Variants in ABCA13 observed in about 807,000 individuals in gnomAD.
ABCA13 encodes ATP binding cassette subfamily A member 13, also known as ATP-binding cassette sub-family A member 13.
A neutral mutation model predicts 478.7 loss-of-function variants in ABCA13; 476 were observed. The observed-to-expected ratio is 0.99, with a 90% confidence interval of 0.92 to 1.07. The LOEUF (loss-of-function observed/expected upper bound fraction) is 1.07, where lower values mean the gene tolerates loss of function less well. ABCA13 is among the 50% of genes least tolerant of loss of function. The pLI is 0.00. For missense variants in ABCA13, 6,060 were observed against 5,910.6 expected (o/e 1.03, Z -0.83); for synonymous variants, 2,252 against 2,158.9 (o/e 1.04, Z -1.20).
chr7:48,524,494 G>A (rs1832760399), intron 54 of ABCA13, 54 bp downstream of exon 54: 6 of 1,462,982 alleles, frequency 4.1e-6, no homozygotes, highest in Non-Finnish European at 5.6e-6. Context: ...TACAACTCTA[G>A]TAGCTGATCT....
chr7:48,238,570 G>A (rs892232592), intron 8 of ABCA13, among the ~76,000 whole-genome samples: 4 of 151,544 alleles, frequency 2.6e-5, no homozygotes, highest in Admixed American at 1.3e-4. Context: ...CTGGGTTCAC[G>A]CCATTCTCCT....
intron 42 of ABCA13, among the ~76,000 whole-genome samples, chr7:48,454,215 C>G (rs1825372935): frequency 6.6e-6 from 1 of 152,154 alleles, no homozygotes; most frequent in African/African-American, 2.4e-5. Context: ...CTGCTTTGGA[C>G]GTCGTTTAAG....
At chr7:48,288,122 A>C in intron 20 of ABCA13, 44 bp downstream of exon 20, 1 of 1,550,330 alleles carries the variant, frequency 6.5e-7, no homozygotes, top group Non-Finnish European at 8.9e-7. Flanking sequence ...GTTCATGACT[A>C]TTGGCCCTTG....
intron 1 of ABCA13, among the ~76,000 whole-genome samples, chr7:48,187,019 G>A (rs149717502): frequency 0.26 from 37,591 of 144,706 alleles, 5,473 homozygotes; most frequent in East Asian, 0.48. Context: ...ATGTGTGTGT[G>A]TATATATATA....
intron 33 of ABCA13, among the ~76,000 whole-genome samples, chr7:48,373,148 CTT>C (rs1298526351): frequency 6.6e-6 from 1 of 152,172 alleles, no homozygotes; most frequent in East Asian, 1.9e-4. Context: ...GTGCTCAAGA[CTT>C]TATTCTCTCC....
chr7:48,595,180 G>T (rs973544795), intron 58 of ABCA13, among the ~76,000 whole-genome samples: 2 of 152,158 alleles, frequency 1.3e-5, no homozygotes, highest in African/African-American at 2.4e-5. Flanking sequence ...TATTATTTCA[G>T]CAGGTAGAAT....
chr7:48,621,535 AGT>A (rs1362965616), intron 59 of ABCA13, among the ~76,000 whole-genome samples: 2 of 152,208 alleles, frequency 1.3e-5, no homozygotes, highest in Non-Finnish European at 2.9e-5. Context: ...TTTAGGTTTT[AGT>A]TCACCAGGAG....
chr7:48,599,671 A>C (rs1193994514), intron 58 of ABCA13, among the ~76,000 whole-genome samples: 1 of 152,214 alleles, frequency 6.6e-6, no homozygotes, highest in Non-Finnish European at 1.5e-5. Flanking sequence ...TATGGTGTGT[A>C]CTGCAGTATC....
At chr7:48,234,537 G>A (rs1241403479) in intron 8 of ABCA13, among the ~76,000 whole-genome samples, 1 of 152,136 alleles carries the variant, frequency 6.6e-6, no homozygotes, top group Non-Finnish European at 1.5e-5. Flanking sequence ...GAATTTCCAG[G>A]TAAAGAGATA....
intron 3 of ABCA13, among the ~76,000 whole-genome samples, chr7:48,217,767 C>A (rs1424372704): frequency 1.3e-5 from 2 of 152,076 alleles, no homozygotes; most frequent in African/African-American, 4.8e-5. Context: ...GGGTGATTCT[C>A]AGTGTCAGTC....
chr7:48,434,633 A>G (rs1822582725), intron 42 of ABCA13, among the ~76,000 whole-genome samples: 1 of 151,912 alleles, frequency 6.6e-6, no homozygotes, highest in Admixed American at 6.6e-5. Flanking sequence ...CAAGAAGTTT[A>G]TAGTTTTAGC....
chr7:48,543,897 T>C lies in ABCA13; in HGVS notation c.14354+15552T>C, dbSNP rs369729191. 1.2e-4 allele frequency among the ~76,000 whole-genome samples: 18 copies of C among 151,744 alleles called. No individual in the cohort carries two copies. The East Asian group carries it at 3.3e-3, about 28-fold the overall frequency. On this transcript the variant is annotated intron_variant, in intron 55 of 61. Coordinates refer to ENST00000435803, the MANE Select transcript of ABCA13 (RefSeq NM_152701.5). ...TACTGGAGTTAAGCATGGCAATATA[T>C]ATAAAAAATACTTGGGCTAATAATT... is the stretch of plus-strand genomic sequence containing the variant.
intron 15 of ABCA13, among the ~76,000 whole-genome samples, chr7:48,265,714 T>C (rs1277528023): frequency 1.3e-5 from 2 of 151,744 alleles, no homozygotes; most frequent in Non-Finnish European, 3.0e-5. Context: ...TATCTGTGAA[T>C]AAAGATGGTT....
At position 48,535,834 on chromosome 7, in the gene ABCA13, A is replaced by C. The variant is rs138550053; in HGVS notation, c.14354+7489A>C. Among the ~76,000 whole-genome samples the C allele has an allele frequency of 4.0e-3, 615 of 152,276 alleles. 6 individuals carry two copies. The highest frequency in any genetic ancestry group is 0.017 in the Middle Eastern group (5 of 294). On this transcript the variant is annotated intron_variant, in intron 55 of 61. Coordinates refer to ENST00000435803, the MANE Select transcript of ABCA13 (RefSeq NM_152701.5). ...TTTACCCCGCTGCCATACAGCCTGC[A>C]GTCCTAAAGACAGGTCTCACTCCCA...
chr7:48,326,449 T>C (rs1351672508), intron 27 of ABCA13, among the ~76,000 whole-genome samples: 2 of 152,232 alleles, frequency 1.3e-5, no homozygotes, highest in Non-Finnish European at 2.9e-5. Flanking sequence ...AGTTCTTAAA[T>C]GTAAGTTTTA....
intron 43 of ABCA13, among the ~76,000 whole-genome samples, chr7:48,465,561 T>C (rs2130122103): frequency 6.6e-6 from 1 of 152,068 alleles, no homozygotes; most frequent in South Asian, 2.1e-4. Context: ...TTTAAAGCTT[T>C]TTTATTGCTC....
chr7:48,613,796 G>T (rs1385169626), intron 58 of ABCA13, among the ~76,000 whole-genome samples: 3 of 148,740 alleles, frequency 2.0e-5, no homozygotes, highest in Non-Finnish European at 4.5e-5. Flanking sequence ...ATTTTCTCAT[G>T]GGAGTGATAA....
At position 48,297,416 on chromosome 7, in the gene ABCA13, G is replaced by A. The variant is rs1009189129; in HGVS notation, c.9199+105G>A. 13 of 1,107,034 alleles carry A rather than the reference G, an allele frequency of 1.2e-5. No homozygotes were observed. The African/African-American group carries it at 1.7e-4, about 15-fold the overall frequency. 68.6% of individuals were successfully genotyped at this position (1,107,034 alleles called of 1,614,324 possible). On this transcript the variant is annotated intron_variant, in intron 22 of 61. Transcript: ENST00000435803. ...ATACAACAGAAAATTTATGCTATAT[G>A]TGATACATAATCATTTACAACTTGG...
intron 15 of ABCA13, among the ~76,000 whole-genome samples, chr7:48,251,275 A>C (rs1792511728): frequency 6.6e-6 from 1 of 152,194 alleles, no homozygotes; most frequent in East Asian, 1.9e-4. Context: ...GAAACAGGCT[A>C]CAGAGAGTGA....
Sources: allele counts gnomAD v4.1 joint callset (sites outside exome capture counted in the v4.1 genomes callset), GRCh38; gene constraint gnomAD v4.1.1; transcripts MANE v1.5; gene names NCBI Gene and HGNC (gene_info 2026-07-23, HGNC 2026-07-21).